GLIS3: variants seen among roughly 807,000 people sequenced by gnomAD.
GLIS3 encodes zinc finger protein GLIS3.
Under a neutral mutation model 78.6 loss-of-function variants are expected in GLIS3, and 53 were observed. That is an observed-to-expected ratio of 0.67 (90% CI 0.54 to 0.85). The LOEUF (loss-of-function observed/expected upper bound fraction) is 0.85, where lower values mean the gene tolerates loss of function less well. Ranked by LOEUF, GLIS3 falls within the 40% of genes least tolerant of loss-of-function variation. GLIS3 has a pLI of 0.00. For missense variants in GLIS3, 1,703 were observed against 1,231.1 expected, an observed-to-expected ratio of 1.38 and a Z score of -5.74; for synonymous variants, 684 against 509.9, an observed-to-expected ratio of 1.34 and a Z score of -4.60.
At chr9:4,469,113 T>C in the GLIS3 span, among the ~76,000 whole-genome samples, 3 of 152,232 alleles carry the variant, frequency 2.0e-5, no homozygotes, top group South Asian at 6.2e-4. Flanking sequence ...GCACCCAATA[T>C]GGGAGCACCC....
At chr9:4,085,216 G>C (rs1423113679) in intron 4 of GLIS3, among the ~76,000 whole-genome samples, 1 of 151,628 alleles carries the variant, frequency 6.6e-6, no homozygotes, top group Non-Finnish European at 1.5e-5. Flanking sequence ...TTTCTCTACT[G>C]TCATTCCGCC....
chr9:4,147,554 G>A (rs1231462144), intron 2 of GLIS3: 4 of 152,360 alleles, frequency 2.6e-5, no homozygotes, highest in Non-Finnish European at 4.4e-5. Flanking sequence ...TTGCTCTTTG[G>A]TTTTATAAAA....
chr9:4,239,320 A>T lies in GLIS3; in HGVS notation c.388+46718T>A, dbSNP rs186123363. Among the ~76,000 whole-genome samples, 511 of 137,032 alleles carry T rather than the reference A, an allele frequency of 3.7e-3. 2 individuals carry two copies. Among genetic ancestry groups the T allele is most frequent in the African/African-American group, 0.016 (478 of 29,910 alleles). The allele number at this position is 137,032 out of a possible 152,430, so 89.9% of individuals were successfully genotyped here. On this transcript the variant is annotated intron_variant, in intron 2 of 10. Coordinates refer to ENST00000381971, the MANE Select transcript of GLIS3 (RefSeq NM_001042413.2). ...TACCCTAAAACTTAAAAGTATAATT[A>T]AAAAAAAAACCAAAAAAAATGTTCT...
rs1463121381 is a variant in GLIS3 at position 4,138,234 on chromosome 9, A to AAGGG, written c.389-12297_389-12294dup. ...CACAAATATAAGAAAGAATGAATGG[A>AAGGG]AGGGAGGGAGAACGCATATTGTCAT... is the stretch of plus-strand genomic sequence containing the variant. On this transcript the variant is annotated intron_variant, in intron 2 of 10. Coordinates refer to ENST00000381971, the MANE Select transcript of GLIS3 (RefSeq NM_001042413.2). 3.9e-5 allele frequency among the ~76,000 whole-genome samples: 6 copies of AAGGG among 152,300 alleles called. No individual in the cohort carries two copies. In the East Asian group the frequency reaches 1.2e-3, roughly 29 times the overall value.
chr9:4,182,046 C>T (rs963393862), intron 2 of GLIS3, among the ~76,000 whole-genome samples: 10 of 152,202 alleles, frequency 6.6e-5, no homozygotes, highest in African/African-American at 2.4e-4. Flanking sequence ...TATGAAGATG[C>T]AAATGCATCC....
chr9:4,112,412 A>G (rs947507575), intron 4 of GLIS3, among the ~76,000 whole-genome samples: 12 of 152,356 alleles, frequency 7.9e-5, no homozygotes, highest in African/African-American at 2.9e-4. Context: ...GCATCTTAAC[A>G]GAAGTAACAG....
At chr9:4,298,603 G>C (rs1186709821) in intron 1 of GLIS3, 1 of 241,524 alleles carries the variant, frequency 4.1e-6, no homozygotes, top group Non-Finnish European at 8.4e-6. Context: ...CATTTATAGG[G>C]ACTGGAGCCG....
chr9:3,894,257 A>G (rs1035743481), intron 7 of GLIS3, among the ~76,000 whole-genome samples: 4 of 152,222 alleles, frequency 2.6e-5, no homozygotes, highest in Admixed American at 2.6e-4. Flanking sequence ...ACTTTCATAT[A>G]GTTACGTTGT....
chr9:4,080,607 T>G (rs1408222244), intron 4 of GLIS3, among the ~76,000 whole-genome samples: 3 of 152,194 alleles, frequency 2.0e-5, no homozygotes, highest in African/African-American at 7.2e-5. Flanking sequence ...TAATACTGAT[T>G]AAATATTACA....
rs1243217675 is a variant in GLIS3, at chr9:4,286,037, C to T, written c.388+1G>A. 6.2e-7 allele frequency: 1 copy of T among 1,614,066 alleles called. No homozygotes were observed. On this transcript the variant is annotated splice_donor_variant, in intron 2 of 10. Transcript: ENST00000381971. LOFTEE classifies it high-confidence loss of function. ...AAAAGGTTCCAGAAAGACAATCCTACCTTTCCCAGGATTTGGAGGAAAAGG... is the reference window on the plus strand; with the variant it reads ...AAAAGGTTCCAGAAAGACAATCCTATCTTTCCCAGGATTTGGAGGAAAAGG...
intron 2 of GLIS3, among the ~76,000 whole-genome samples, chr9:4,173,038 C>A (rs1279091073): frequency 6.6e-6 from 1 of 152,166 alleles, no homozygotes; most frequent in Non-Finnish European, 1.5e-5. Flanking sequence ...ACTATGTGGA[C>A]TTAAGAAAGC....
intron 3 of GLIS3, among the ~76,000 whole-genome samples, chr9:4,120,517 T>G (rs1832095482): frequency 6.6e-6 from 1 of 152,328 alleles, no homozygotes; most frequent in African/African-American, 2.4e-5. Flanking sequence ...CCAGCACACT[T>G]GCAGCATGTG....
intron 2 of GLIS3, chr9:4,285,760 C>G: frequency 2.2e-6 from 1 of 448,982 alleles, no homozygotes; most frequent in Non-Finnish European, 4.1e-6. Flanking sequence ...TCCACCACAA[C>G]CACTCAGCCT....
chr9:4,393,429 C>G, the GLIS3 span, among the ~76,000 whole-genome samples: 1 of 152,188 alleles, frequency 6.6e-6, no homozygotes, highest in African/African-American at 2.4e-5. Context: ...ATTTAACACT[C>G]ACACAGTATC....
At chr9:4,264,213 C>G (rs1310846377) in intron 2 of GLIS3, among the ~76,000 whole-genome samples, 1 of 152,206 alleles carries the variant, frequency 6.6e-6, no homozygotes, top group African/African-American at 2.4e-5. Flanking sequence ...TAGAGGTATT[C>G]ACTGATTCTT....
intron 4 of GLIS3, among the ~76,000 whole-genome samples, chr9:3,951,654 G>T (rs1337006777): frequency 6.6e-6 from 1 of 151,844 alleles, no homozygotes; most frequent in Non-Finnish European, 1.5e-5. Flanking sequence ...TAAACTTCAG[G>T]GTGAACGGAC....
the GLIS3 span, among the ~76,000 whole-genome samples, chr9:4,391,550 GGTGTGTGTGTGTGT>G: frequency 4.8e-5 from 7 of 146,086 alleles, no homozygotes; most frequent in African/African-American, 1.6e-4. Context: ...TTCTAAGAGG[GGTGTGTGTGTGTGT>G]GTGTGTGTGT....
At chr9:4,447,450 C>T in the GLIS3 span, among the ~76,000 whole-genome samples, 2 of 152,094 alleles carry the variant, frequency 1.3e-5, no homozygotes, top group African/African-American at 2.4e-5. Flanking sequence ...AACCACAGCA[C>T]CACCACCACC....
At chr9:4,332,219 AAC>A (rs1817697507) in intron 2 of GLIS3, among the ~76,000 whole-genome samples, 2 of 152,380 alleles carry the variant, frequency 1.3e-5, no homozygotes, top group African/African-American at 4.8e-5. Flanking sequence ...CTATAGGATC[AAC>A]ACACTGACCC....
Sources: gnomAD v4.1 joint callset for allele counts (sites outside exome capture counted in the v4.1 genomes callset) on GRCh38, gnomAD v4.1.1 for gene constraint, MANE v1.5 for transcripts, NCBI Gene and HGNC (gene_info 2026-07-23, HGNC 2026-07-21) for gene names.